RAI1: variants seen among roughly 807,000 people sequenced by gnomAD.
RAI1 encodes the protein retinoic acid-induced protein 1.
RAI1 carries 9 observed loss-of-function variants against 123.8 expected under a neutral mutation model. That is an observed-to-expected ratio of 0.07 (90% confidence interval 0.04 to 0.13). RAI1 has a LOEUF of 0.13. Among genes scored for constraint, RAI1 ranks in the 10% least tolerant of loss-of-function variants. The pLI is 1.00. For synonymous variants in RAI1, 1,231 were observed against 1,127.3 expected (o/e 1.09, Z -1.84); for missense variants, 2,256 against 2,545.8 (o/e 0.89, Z 2.45).
chr17:17,758,994 G>A (rs1338596353), intron 2 of RAI1, among the ~76,000 whole-genome samples: 1 of 152,170 alleles, frequency 6.6e-6, no homozygotes, highest in African/African-American at 2.4e-5. Context: ...TTACTTAGAG[G>A]TTCTGGTCGC....
At chr17:17,709,176 T>G (rs1055751069) in intron 1 of RAI1, among the ~76,000 whole-genome samples, 14 of 152,084 alleles carry the variant, frequency 9.2e-5, no homozygotes, top group African/African-American at 3.1e-4. Flanking sequence ...CCGGGCACTG[T>G]GCTGAGAGAC....
intron 1 of RAI1, among the ~76,000 whole-genome samples, chr17:17,709,287 C>T (rs1030458437): frequency 2.0e-5 from 3 of 152,174 alleles, no homozygotes; most frequent in East Asian, 1.9e-4. Flanking sequence ...GGCCATGCGG[C>T]TTTGCTGTTT....
intron 2 of RAI1, among the ~76,000 whole-genome samples, chr17:17,781,155 G>C (rs993898881): frequency 2.0e-5 from 3 of 152,178 alleles, no homozygotes; most frequent in African/African-American, 7.2e-5. Context: ...CAAATAGGCG[G>C]TATTCTTCCC....
Position 17,794,256 on chromosome 17 carries a change from G to C in RAI1, c.1308G>C (p.Thr436=). The C allele has an allele frequency of 6.2e-7, 1 of 1,613,294 alleles. No homozygotes were observed. Among genetic ancestry groups the C allele is most frequent in the South Asian group, 1.1e-5 (1 of 91,078 alleles). Residue 436 remains threonine, a synonymous_variant, in exon 3 of 6, where the codon ACG becomes ACC. Coordinates refer to ENST00000353383, the MANE Select transcript of RAI1 (RefSeq NM_030665.4). ...CGGATCTCAGCCTGCAGAGCCTCAC[G>C]GCGCTGACCTCACAGGTGGAGAACA... ...LLSDLSLQSL[T]ALTSQVENIS...
intron 2 of RAI1, among the ~76,000 whole-genome samples, chr17:17,780,871 C>T (rs546178746): frequency 8.5e-5 from 13 of 152,316 alleles, no homozygotes; most frequent in African/African-American, 3.1e-4. Flanking sequence ...AGGCTGTGTC[C>T]CTGTCTCTCC....
In RAI1 at chr17:17,808,911, G is replaced by C. The variant is rs188039814; in HGVS notation, c.5660-479G>C. 4.6e-3 allele frequency among the ~76,000 whole-genome samples: 702 copies of C among 152,290 alleles called. 5 individuals are homozygous for C. The highest frequency in any genetic ancestry group is 0.015 in the African/African-American group (604 of 41,548). On this transcript the variant is annotated intron_variant, in intron 4 of 5. Transcript: ENST00000353383. ...GTCCGTCCACAGGGGTTCATGACAT[G>C]CTCACTGGAAGTTAGTGAGCTCTTC...
chr17:17,725,161 A>G (rs1916042050), intron 2 of RAI1, among the ~76,000 whole-genome samples: 1 of 148,476 alleles, frequency 6.7e-6, no homozygotes. Flanking sequence ...CGAAGGCGGC[A>G]GGCTTGGGTT....
chr17:17,804,225 C>G lies in RAI1; in HGVS notation c.5659+376C>G, dbSNP rs1295257385. ...GAAGGATAAATAGGAGTTCACTCAG[C>G]AGAGACAAGGGGAAAGGCACTACTA... is the stretch of plus-strand genomic sequence containing the variant. On this transcript the variant is annotated intron_variant, in intron 4 of 5. Coordinates refer to ENST00000353383, the MANE Select transcript of RAI1 (RefSeq NM_030665.4). The G allele has an allele frequency of 1.2e-5, 4 of 333,560 alleles. No individual in the cohort carries two copies. The East Asian group carries it at 3.0e-4, about 25-fold the overall frequency. 20.7% of individuals were successfully genotyped at this position (333,560 alleles called of 1,614,324 possible).
intron 2 of RAI1, among the ~76,000 whole-genome samples, chr17:17,782,826 A>G (rs1339235128): frequency 1.3e-5 from 2 of 152,124 alleles, no homozygotes; most frequent in East Asian, 3.9e-4. Flanking sequence ...AGAGGGCAGC[A>G]CGGGCCTTAG....
intron 2 of RAI1, among the ~76,000 whole-genome samples, chr17:17,747,755 T>C (rs2029982825): frequency 6.6e-6 from 1 of 151,924 alleles, no homozygotes; most frequent in African/African-American, 2.4e-5. Flanking sequence ...GCAAAAAACT[T>C]GAAAAGATAT....
In RAI1 at chr17:17,771,538, G is replaced by A. The variant is rs747631170; in HGVS notation, c.-16-21395G>A. On this transcript the variant is annotated intron_variant, in intron 2 of 5. Transcript: ENST00000353383. Reference sequence around the variant, plus strand: ...CTGGGGTGCATCCAGTCCATGAGGCGGGTGTTTGCCCGAAAAGGAGACAGG... The same window carrying A: ...CTGGGGTGCATCCAGTCCATGAGGCAGGTGTTTGCCCGAAAAGGAGACAGG... Among the ~76,000 whole-genome samples, 6 of 152,206 alleles carry A rather than the reference G, an allele frequency of 3.9e-5. No homozygotes were observed. The East Asian group carries it at 5.8e-4, about 15-fold the overall frequency.
intron 1 of RAI1, chr17:17,682,421 A>C (rs1365555869): frequency 1.3e-5 from 2 of 150,454 alleles, no homozygotes; most frequent in Admixed American, 1.3e-4. Context: ...GGAGCTCTGT[A>C]GCGGCCAGGC....
intron 1 of RAI1, among the ~76,000 whole-genome samples, chr17:17,699,946 T>G (rs1173634572): frequency 6.6e-6 from 1 of 152,162 alleles, no homozygotes; most frequent in East Asian, 1.9e-4. Context: ...GGACCTTGGG[T>G]GTCCCCCTCC....
At chr17:17,720,019 C>T (rs972958504) in intron 1 of RAI1, among the ~76,000 whole-genome samples, 5 of 152,176 alleles carry the variant, frequency 3.3e-5, no homozygotes, top group African/African-American at 1.2e-4. Context: ...GTGTACCAGC[C>T]TGGCCTGATG....
intron 1 of RAI1, among the ~76,000 whole-genome samples, chr17:17,691,518 CT>C (rs1238856391): frequency 1.3e-5 from 2 of 152,222 alleles, no homozygotes; most frequent in Non-Finnish European, 2.9e-5. Context: ...CCCTTCTACT[CT>C]TTTAAGGGAG....
At chr17:17,792,587 G>C in intron 2 of RAI1, among the ~76,000 whole-genome samples, 1 of 140,090 alleles carries the variant, frequency 7.1e-6, no homozygotes, top group Non-Finnish European at 1.6e-5. Flanking sequence ...CGGGGGGGGG[G>C]CGGGTAGCTC....
intron 1 of RAI1, among the ~76,000 whole-genome samples, chr17:17,687,790 G>A (rs527820753): frequency 1.3e-5 from 2 of 152,250 alleles, no homozygotes; most frequent in East Asian, 3.9e-4. Flanking sequence ...AGCACTTTGG[G>A]AGGCCGAGGC....
chr17:17,720,192 CTCTGGAATGGCA>C (rs1247891552), intron 1 of RAI1, among the ~76,000 whole-genome samples: 1 of 152,192 alleles, frequency 6.6e-6, no homozygotes, highest in East Asian at 1.9e-4. Context: ...TACTATTTAG[CTCTGGAATGGCA>C]TCTGGACACA....
chr17:17,811,226 TTATA>T lies in RAI1; in HGVS notation c.*1248_*1251del, dbSNP rs751534268. 5.9e-6 allele frequency: 2 copies of T among 337,880 alleles called. No homozygotes were observed. Among genetic ancestry groups the T allele is most frequent in the South Asian group, 2.4e-5 (1 of 41,364 alleles). 20.9% of individuals were successfully genotyped at this position (337,880 alleles called of 1,614,324 possible). ...AACGTGTGTATTATATCTGGCCTCG[TTATA>T]TAGTGTATATATATGTATACATATA... On this transcript the variant is annotated 3_prime_UTR_variant, in exon 6 of 6. Coordinates refer to ENST00000353383, the MANE Select transcript of RAI1 (RefSeq NM_030665.4).
Sources: allele counts gnomAD v4.1 joint callset (sites outside exome capture counted in the v4.1 genomes callset), GRCh38; gene constraint gnomAD v4.1.1; transcripts MANE v1.5; gene names NCBI Gene and HGNC (gene_info 2026-07-23, HGNC 2026-07-21).